The following IGFBP7 variants were observed in gnomAD, a reference collection of about 807,000 sequenced individuals.
IGFBP7 encodes insulin like growth factor binding protein 7.
IGFBP7 carries 31 observed loss-of-function variants against 29.4 expected under a neutral mutation model. The ratio of observed to expected loss-of-function variants is 1.05; its 90% CI spans 0.79 to 1.42. The LOEUF is 1.42. IGFBP7 is among the 40% of genes most tolerant of loss of function. IGFBP7 has a pLI of 0.00. For synonymous variants in IGFBP7, 172 were observed against 174.9 expected (o/e 0.98, Z 0.13); for missense variants, 393 against 395.5 (o/e 0.99, Z 0.05).
At chr4:57,087,221 C>T (rs1725519630) in intron 1 of IGFBP7, among the ~76,000 whole-genome samples, 2 of 152,216 alleles carry the variant, frequency 1.3e-5, no homozygotes, top group African/African-American at 4.8e-5. Flanking sequence ...CTTAATTCCT[C>T]TGTCTTTTGG....
intron 1 of IGFBP7, among the ~76,000 whole-genome samples, chr4:57,063,937 C>T (rs11573077): frequency 9.2e-5 from 14 of 152,152 alleles, no homozygotes; most frequent in Non-Finnish European, 1.5e-4. Flanking sequence ...TAAAGATTAA[C>T]GCTGTAGCAA....
chr4:57,099,086 A>C (rs567666767), intron 1 of IGFBP7, among the ~76,000 whole-genome samples: 8 of 152,296 alleles, frequency 5.3e-5, no homozygotes, highest in Non-Finnish European at 1.0e-4. Context: ...TTCCCAATTC[A>C]ACCACTTGAA....
At chr4:57,032,402 A>G (rs1723952685) in intron 4 of IGFBP7, 24 bp downstream of exon 4, 2 of 1,612,118 alleles carry the variant, frequency 1.2e-6, no homozygotes, top group Non-Finnish European at 1.7e-6. Flanking sequence ...TCATTTTTAA[A>G]TGGCTGTGAG....
At chr4:57,086,226 A>G (rs1445986566) in intron 1 of IGFBP7, among the ~76,000 whole-genome samples, 3 of 152,186 alleles carry the variant, frequency 2.0e-5, no homozygotes, top group Non-Finnish European at 4.4e-5. Context: ...TGAGAACAGC[A>G]TGGGAAAAAC....
chr4:57,065,830 A>T (rs6554413), intron 1 of IGFBP7, among the ~76,000 whole-genome samples: 141,333 of 152,230 alleles, frequency 0.93, 65,654 homozygotes, highest in East Asian at 0.99. Flanking sequence ...CCTGGCCTCA[A>T]CCTCAGGAAA....
chr4:57,104,419 A>C (rs1447215347), intron 1 of IGFBP7, among the ~76,000 whole-genome samples: 1 of 152,168 alleles, frequency 6.6e-6, no homozygotes, highest in Non-Finnish European at 1.5e-5. Context: ...GTGTTAGTTT[A>C]GTGAAGTATT....
intron 1 of IGFBP7, among the ~76,000 whole-genome samples, chr4:57,044,296 G>A (rs1234745023): frequency 2.6e-5 from 4 of 152,210 alleles, no homozygotes; most frequent in Non-Finnish European, 2.9e-5. Context: ...TTCTGCCAGA[G>A]ATCTTGAAGA....
intron 1 of IGFBP7, among the ~76,000 whole-genome samples, chr4:57,106,008 G>A (rs13124681): frequency 0.45 from 67,793 of 149,688 alleles, 16,880 homozygotes; most frequent in South Asian, 0.58. Flanking sequence ...CCAGGTTCAC[G>A]CCATTCTCCT....
At chr4:57,105,805 G>C (rs1183916279) in intron 1 of IGFBP7, among the ~76,000 whole-genome samples, 2 of 152,088 alleles carry the variant, frequency 1.3e-5, no homozygotes, top group Non-Finnish European at 2.9e-5. Flanking sequence ...CATAGCTCTA[G>C]AAGAACAAAT....
chr4:57,034,835 C>T (rs547784008), intron 2 of IGFBP7, among the ~76,000 whole-genome samples: 4 of 152,216 alleles, frequency 2.6e-5, no homozygotes, highest in African/African-American at 9.6e-5. Context: ...CCCACATTGC[C>T]ACTATTAGTG....
rs116327463 is a variant in IGFBP7 at position 57,061,167 on chromosome 4, C to T, written c.476-20234G>A. Among the ~76,000 whole-genome samples the T allele has an allele frequency of 1.6e-3, 236 of 152,154 alleles. 1 individual carries two copies. Among genetic ancestry groups the T allele is most frequent in the Middle Eastern group, 3.4e-3 (1 of 294 alleles). On this transcript the variant is annotated intron_variant, in intron 1 of 4. Transcript: ENST00000295666. The stretch of plus-strand genomic sequence containing the variant: ...TTCAAGATGTGGGAAAACTGTGTGT[C>T]GTTTGCAGGAAAAATAAAAATACAA...
chr4:57,060,488 G>T (rs972450896), intron 1 of IGFBP7, among the ~76,000 whole-genome samples: 1 of 152,192 alleles, frequency 6.6e-6, no homozygotes, highest in Admixed American at 6.5e-5. Context: ...CAGGTTTGAG[G>T]TTGAGGAAGT....
In IGFBP7 at chr4:57,031,090, GTATTT is replaced by G. The variant is rs1723906524; in HGVS notation, c.*222_*226del. Reference sequence around the variant, plus strand: ...AATATGTACTGTGTTGTGATAAAAAGTATTTTATTTGTTTAATGATATGCATGCTT... The same window carrying G: ...AATATGTACTGTGTTGTGATAAAAAGTATTTGTTTAATGATATGCATGCTT... On this transcript the variant is annotated 3_prime_UTR_variant, in exon 5 of 5. Coordinates refer to ENST00000295666, the MANE Select transcript of IGFBP7 (RefSeq NM_001553.3). 1.2e-6 allele frequency: 1 copy of G among 802,794 alleles called. No homozygotes were observed. Among genetic ancestry groups the G allele is most frequent in the South Asian group, 1.6e-5 (1 of 64,348 alleles). The allele number at this position is 802,794 out of a possible 1,614,324, so 49.7% of individuals were successfully genotyped here.
chr4:57,080,425 G>C (rs1010422842), intron 1 of IGFBP7, among the ~76,000 whole-genome samples: 2 of 152,180 alleles, frequency 1.3e-5, no homozygotes, highest in African/African-American at 4.8e-5. Context: ...ATATTCAAAA[G>C]AATATTGATT....
In IGFBP7 at chr4:57,033,085, T is replaced by C; in HGVS notation, c.702+110A>G. 7.4e-6 allele frequency: 6 copies of C among 809,444 alleles called. No homozygotes were observed. The South Asian group carries it at 8.0e-5, about 11-fold the overall frequency. The allele number at this position is 809,444 out of a possible 1,614,324, so 50.1% of individuals were successfully genotyped here. ...ATGGTAAGGCTATTCCAAACAGATGTGGAAGAGCAAGCACCTTTAGGCTGG... is the reference window on the plus strand; with the variant it reads ...ATGGTAAGGCTATTCCAAACAGATGCGGAAGAGCAAGCACCTTTAGGCTGG... On this transcript the variant is annotated intron_variant, in intron 3 of 4. Transcript: ENST00000295666.
At chr4:57,109,030 C>G (rs527284956) in intron 1 of IGFBP7, among the ~76,000 whole-genome samples, 1 of 152,256 alleles carries the variant, frequency 6.6e-6, no homozygotes, top group South Asian at 2.1e-4. Context: ...AAGTGCATCA[C>G]AAAAACAGTC....
At chr4:57,067,343 T>C (rs1164697022) in intron 1 of IGFBP7, among the ~76,000 whole-genome samples, 2 of 152,156 alleles carry the variant, frequency 1.3e-5, no homozygotes, top group African/African-American at 4.8e-5. Flanking sequence ...TTTTTGTTAG[T>C]CTTGTATTTA....
At chr4:57,061,820 T>C (rs1427676403) in intron 1 of IGFBP7, among the ~76,000 whole-genome samples, 1 of 152,210 alleles carries the variant, frequency 6.6e-6, no homozygotes, top group Non-Finnish European at 1.5e-5. Flanking sequence ...ATAAATTTTA[T>C]TTTTATTTTT....
intron 1 of IGFBP7, among the ~76,000 whole-genome samples, chr4:57,072,128 C>T (rs1212656514): frequency 2.0e-5 from 3 of 151,980 alleles, no homozygotes; most frequent in Admixed American, 1.3e-4. Flanking sequence ...AGTTATCTTT[C>T]CTGCTCCTCT....
Sources: gnomAD v4.1 joint callset for allele counts (sites outside exome capture counted in the v4.1 genomes callset) on GRCh38, gnomAD v4.1.1 for gene constraint, MANE v1.5 for transcripts, NCBI Gene and HGNC (gene_info 2026-07-23, HGNC 2026-07-21) for gene names.